EPG5: variants seen among roughly 807,000 people sequenced by gnomAD.
EPG5 encodes the protein ectopic P-granules 5 autophagy tethering factor.
In EPG5, 159 loss-of-function variants were observed where a neutral mutation model predicts 302.7. The observed-to-expected ratio is 0.53, with a 90% CI of 0.46 to 0.60. The LOEUF (loss-of-function observed/expected upper bound fraction) is 0.60, where lower values mean the gene tolerates loss of function less well. Among genes scored for constraint, EPG5 ranks in the 20% least tolerant of loss-of-function variants. The pLI is 0.00. For synonymous variants in EPG5, 1,158 were observed against 1,136.8 expected, an observed-to-expected ratio of 1.02 and a Z score of -0.37; for missense variants, 2,896 against 3,092.4, an observed-to-expected ratio of 0.94 and a Z score of 1.51.
At chr18:45,803,270 G>C in the EPG5 span, among the ~76,000 whole-genome samples, 1 of 152,134 alleles carries the variant, frequency 6.6e-6, no homozygotes, top group Non-Finnish European at 1.5e-5. Context: ...GATCTGGATC[G>C]AGTTCCACTT....
chr18:45,845,597 G>A (rs558133124), downstream of EPG5, among the ~76,000 whole-genome samples: 8 of 152,216 alleles, frequency 5.3e-5, no homozygotes, highest in Non-Finnish European at 7.3e-5. Flanking sequence ...CCAGAGACAC[G>A]AGCGGCAGGC....
chr18:45,884,930 C>G, intron 29 of EPG5, 119 bp from the exon 30 acceptor site: 3 of 617,274 alleles, frequency 4.9e-6, no homozygotes, highest in Non-Finnish European at 7.9e-6. Flanking sequence ...AAACAAAAGT[C>G]TGAAACAATC....
downstream of EPG5, among the ~76,000 whole-genome samples, chr18:45,847,209 AAAAT>A (rs2048372566): frequency 6.6e-6 from 1 of 152,236 alleles, no homozygotes; most frequent in Non-Finnish European, 1.5e-5. Context: ...ATGTGAGTGA[AAAAT>A]AACACTAAAG....
the EPG5 span, among the ~76,000 whole-genome samples, chr18:45,824,301 G>T: frequency 6.6e-6 from 1 of 152,222 alleles, no homozygotes; most frequent in African/African-American, 2.4e-5. Flanking sequence ...CCGCCTCCTG[G>T]CTTCACACCA....
chr18:45,961,985 TG>T (rs1250454635), intron 1 of EPG5, among the ~76,000 whole-genome samples: 1 of 152,186 alleles, frequency 6.6e-6, no homozygotes. Context: ...TTCTTCTTCA[TG>T]GGTTTTTGTT....
chr18:45,890,431 G>A (rs1222104412), intron 27 of EPG5, among the ~76,000 whole-genome samples: 2 of 152,050 alleles, frequency 1.3e-5, no homozygotes, highest in African/African-American at 4.8e-5. Context: ...AAAATATGGG[G>A]AAATGCCCAA....
chr18:45,953,078 CAGG>C (rs1467184166), intron 2 of EPG5, among the ~76,000 whole-genome samples: 2 of 152,056 alleles, frequency 1.3e-5, no homozygotes, highest in East Asian at 3.9e-4. Context: ...GAGGCTGAAG[CAGG>C]AGAATTGCCT....
At chr18:45,854,926 C>T (rs548471221) in intron 43 of EPG5, among the ~76,000 whole-genome samples, 1 of 152,296 alleles carries the variant, frequency 6.6e-6, no homozygotes, top group African/African-American at 2.4e-5. Flanking sequence ...AGCTTTAACT[C>T]ACTAATATTG....
chr18:45,879,242 C>A, intron 32 of EPG5, 28 bp from the exon 33 acceptor site: 1 of 1,525,468 alleles, frequency 6.6e-7, no homozygotes, highest in Non-Finnish European at 9.0e-7. Context: ...TCAAAAAATG[C>A]TTACTAAATA....
intron 7 of EPG5, 144 bp from the exon 8 acceptor site, chr18:45,944,263 G>C (rs1443383767): frequency 1.7e-6 from 1 of 573,730 alleles, no homozygotes; most frequent in African/African-American, 1.9e-5. Flanking sequence ...CTCCAGGACA[G>C]CAATTTATAG....
At position 45,849,307 on chromosome 18, in the gene EPG5, G is replaced by A. The variant is rs2048394846; in HGVS notation, c.*3160C>T. 6.6e-6 allele frequency: 1 copy of A among 152,316 alleles called. No individual in the cohort carries two copies. The highest frequency in any genetic ancestry group is 1.5e-5 in the Non-Finnish European group (1 of 68,132). 9.4% of individuals were successfully genotyped at this position (152,316 alleles called of 1,614,324 possible). A position where few individuals can be genotyped will look rare whatever the true frequency, so the allele number is the denominator to read the frequency against. ...TGGTTCAATAGAAAGCAGAACTACAGAGCCTGCGGATGGCAGCCTAGGCCT... is the reference window on the plus strand; with the variant it reads ...TGGTTCAATAGAAAGCAGAACTACAAAGCCTGCGGATGGCAGCCTAGGCCT... On this transcript the variant is annotated 3_prime_UTR_variant, in exon 44 of 44. Coordinates refer to ENST00000282041, the MANE Select transcript of EPG5 (RefSeq NM_020964.3).
At chr18:45,913,574 T>C (rs1488177307) in intron 21 of EPG5, 132 bp downstream of exon 21, 5 of 1,080,172 alleles carry the variant, frequency 4.6e-6, no homozygotes, top group Non-Finnish European at 5.4e-6. Flanking sequence ...TTTTAAGTAT[T>C]GGTTTGGTTG....
intron 30 of EPG5, among the ~76,000 whole-genome samples, chr18:45,883,285 C>T (rs2049139482): frequency 6.6e-6 from 1 of 152,080 alleles, no homozygotes; most frequent in African/African-American, 2.4e-5. Context: ...AATAAGCAGC[C>T]ACTTTATGGA....
chr18:45,832,750 G>C, the EPG5 span, among the ~76,000 whole-genome samples: 8 of 152,322 alleles, frequency 5.3e-5, no homozygotes, highest in South Asian at 1.7e-3. Flanking sequence ...TGTCTTAGCA[G>C]ACAGGCATAA....
At chr18:45,825,499 CT>C in the EPG5 span, 1 of 567,802 alleles carries the variant, frequency 1.8e-6, no homozygotes, top group South Asian at 2.4e-5. Flanking sequence ...AGTGATTCCC[CT>C]CTTGGTTTTC....
chr18:45,912,813 G>A (rs2049937614), intron 21 of EPG5, among the ~76,000 whole-genome samples: 1 of 152,138 alleles, frequency 6.6e-6, no homozygotes, highest in Admixed American at 6.5e-5. Context: ...TAAAGCCGGG[G>A]ACAGTGGCTC....
chr18:45,937,237 C>T (rs9959789), intron 10 of EPG5, among the ~76,000 whole-genome samples: 1,992 of 13,766 alleles, frequency 0.14, 29 homozygotes, highest in African/African-American at 0.19. Context: ...CATATATATA[C>T]ACACACACAC....
chr18:45,946,803 A>C, intron 6 of EPG5, 35 bp from the exon 7 acceptor site: 1 of 1,536,300 alleles, frequency 6.5e-7, no homozygotes, highest in Non-Finnish European at 9.0e-7. Context: ...CATCACTTAG[A>C]TGTAGGCTAC....
Position 45,951,171 on chromosome 18 carries a change from G to A in EPG5, c.1320C>T (p.Phe440=), listed in dbSNP as rs762189207. 1.3e-6 allele frequency: 2 copies of A among 1,597,164 alleles called. No individual in the cohort carries two copies. Among genetic ancestry groups the A allele is most frequent in the African/African-American group, 2.7e-5 (2 of 74,432 alleles). ...CQLKECISVL[F]MFTRRVNEDT... ...CTTCATTAACTCTCCTGGTGAACAT[G>A]AATAAGACACTAATGCATTCCTTTA... Residue 440 remains phenylalanine, a synonymous_variant, in exon 4 of 44, where the codon TTC becomes TTT. Transcript: ENST00000282041.
Sources: gnomAD v4.1 joint callset for allele counts (sites outside exome capture counted in the v4.1 genomes callset) on GRCh38, gnomAD v4.1.1 for gene constraint, MANE v1.5 for transcripts, NCBI Gene and HGNC (gene_info 2026-07-23, HGNC 2026-07-21) for gene names.